The following PTPRN2 variants were observed in gnomAD, a reference collection of about 807,000 sequenced individuals.
PTPRN2 encodes receptor-type tyrosine-protein phosphatase N2.
PTPRN2 carries 74 observed loss-of-function variants against 118.8 expected under a neutral mutation model. The observed-to-expected ratio is 0.62, with a 90% CI of 0.52 to 0.76. The LOEUF (loss-of-function observed/expected upper bound fraction) is 0.76, where lower values mean the gene tolerates loss of function less well. PTPRN2 is among the 30% of genes least tolerant of loss of function. PTPRN2 has a pLI of 0.00. For missense variants in PTPRN2, 1,481 were observed against 1,394.4 expected, an observed-to-expected ratio of 1.06 and a Z score of -0.99; for synonymous variants, 641 against 608.0, an observed-to-expected ratio of 1.05 and a Z score of -0.80.
Position 158,015,646 on chromosome 7 carries a change from A to G in PTPRN2, c.1723+65652T>C, listed in dbSNP as rs1415697705. 3.3e-5 allele frequency among the ~76,000 whole-genome samples: 5 copies of G among 152,224 alleles called. No individual in the cohort carries two copies. The highest frequency in any genetic ancestry group is 5.9e-5 in the Non-Finnish European group (4 of 68,042). ...GTTCATATTGTTAATTTTTAACTAA[A>G]GACAACTGATTTTTGCCAGTAGCAG... On this transcript the variant is annotated intron_variant, in intron 11 of 22. Coordinates refer to ENST00000389418, the MANE Select transcript of PTPRN2 (RefSeq NM_002847.5). The surrounding 1 kb of genome is among the most constrained non-coding windows in gnomAD (Gnocchi z 4.2).
intron 6 of PTPRN2, among the ~76,000 whole-genome samples, chr7:158,156,939 C>T (rs2335482): frequency 0.62 from 92,030 of 149,480 alleles, 29,042 homozygotes; most frequent in East Asian, 0.78. Flanking sequence ...GCTAACACAG[C>T]GGACAGCACC....
At chr7:158,033,728 G>A (rs1466862322) in intron 11 of PTPRN2, among the ~76,000 whole-genome samples, 1 of 150,778 alleles carries the variant, frequency 6.6e-6, no homozygotes, top group Admixed American at 6.6e-5. Context: ...GCTGCACACT[G>A]AGACCTCGAT....
intron 13 of PTPRN2, among the ~76,000 whole-genome samples, chr7:157,675,191 C>A (rs1421917997): frequency 1.3e-5 from 2 of 152,190 alleles, no homozygotes; most frequent in Non-Finnish European, 2.9e-5. Context: ...CAGCGGCTCG[C>A]GTCCTTCGGA....
intron 3 of PTPRN2, 70 bp downstream of exon 3, chr7:158,316,749 G>A: frequency 8.5e-7 from 1 of 1,179,976 alleles, no homozygotes. Context: ...TCACCGCCCA[G>A]GAGGAGAAGC....
chr7:157,855,045 C>T (rs1419891628), intron 12 of PTPRN2, among the ~76,000 whole-genome samples: 1 of 138,376 alleles, frequency 7.2e-6, no homozygotes, highest in Admixed American at 7.3e-5. Flanking sequence ...TTTGCTGTTG[C>T]AGGGGTGTGT....
At chr7:157,735,755 T>C (rs1800258004) in intron 12 of PTPRN2, among the ~76,000 whole-genome samples, 1 of 152,140 alleles carries the variant, frequency 6.6e-6, no homozygotes, top group African/African-American at 2.4e-5. Flanking sequence ...TGGGAGACGC[T>C]CCGCAAATGT....
intron 3 of PTPRN2, among the ~76,000 whole-genome samples, chr7:158,267,333 G>A (rs1054664838): frequency 2.0e-5 from 3 of 152,114 alleles, no homozygotes; most frequent in African/African-American, 7.2e-5. Context: ...GGGGCGTGGT[G>A]CTCACAGCAA....
At chr7:157,562,423 C>T (rs1283770579) in intron 21 of PTPRN2, among the ~76,000 whole-genome samples, 1 of 152,198 alleles carries the variant, frequency 6.6e-6, no homozygotes, top group East Asian at 1.9e-4. Context: ...GAGTGACTTC[C>T]AGCTTCACCG....
chr7:158,454,925 G>A (rs1011617658), intron 2 of PTPRN2, among the ~76,000 whole-genome samples: 8 of 152,068 alleles, frequency 5.3e-5, no homozygotes, highest in Admixed American at 2.0e-4. Flanking sequence ...GCGACCCCCC[G>A]GGGGCCCCTC....
chr7:158,316,825 C>T lies in PTPRN2; in HGVS notation c.271G>A (p.Gly91Ser), dbSNP rs200061900. The T allele has an allele frequency of 4.6e-5, 74 of 1,601,500 alleles. No individual in the cohort carries two copies. The highest frequency in any genetic ancestry group is 1.7e-4 in the Middle Eastern group (1 of 6,020). ...CGGCCCACGCCCGCCCTACCTGTGC[C>T]GGAAAGCTTCTGCAACGCCACGCGC... ...RLRVALQKLS[G>S]TGFTWQDDYT... The change falls in exon 3 of 23, where the codon GGC becomes AGC. Residue 91 changes from glycine to serine, a missense_variant. By Grantham distance (56) the Gly-to-Ser change is moderately conservative. Coordinates refer to ENST00000389418, the MANE Select transcript of PTPRN2 (RefSeq NM_002847.5).
intron 3 of PTPRN2, among the ~76,000 whole-genome samples, chr7:158,214,310 A>G (rs1311942134): frequency 3.3e-5 from 5 of 151,776 alleles, no homozygotes; most frequent in African/African-American, 9.7e-5. Context: ...AGAGAAGGAC[A>G]TGGTGGTGGA....
Position 157,583,235 on chromosome 7 carries a change from C to A in PTPRN2, c.2497-5095G>T, listed in dbSNP as rs1800489194. Among the ~76,000 whole-genome samples, 1 of 152,078 alleles carries A rather than the reference C, an allele frequency of 6.6e-6. No homozygotes were observed. Among genetic ancestry groups the A allele is most frequent in the Non-Finnish European group, 1.5e-5 (1 of 67,990 alleles). ...TAAGCCGGACACAGAAGGACAGGCA[C>A]CCCATGATCTCACTCACATGTGGCA... On this transcript the variant is annotated intron_variant, in intron 17 of 22. Transcript: ENST00000389418. The surrounding 1 kb of genome is among the most constrained non-coding windows in gnomAD (Gnocchi z 5.5).
chr7:157,561,663 G>C (rs1340490252), intron 21 of PTPRN2, among the ~76,000 whole-genome samples: 1 of 152,238 alleles, frequency 6.6e-6, no homozygotes, highest in Non-Finnish European at 1.5e-5. Flanking sequence ...AGGGCCCCTT[G>C]GGCCCCCTTC....
chr7:158,011,030 A>C (rs1806010983), intron 11 of PTPRN2, among the ~76,000 whole-genome samples: 1 of 152,258 alleles, frequency 6.6e-6, no homozygotes. Flanking sequence ...GAATCCTGAA[A>C]TAGGACTGTC....
At chr7:158,263,061 TTGCACACACAC>T (rs1797620455) in intron 3 of PTPRN2, among the ~76,000 whole-genome samples, 1 of 138,738 alleles carries the variant, frequency 7.2e-6, no homozygotes, top group Non-Finnish European at 1.5e-5. Context: ...TACATTCACA[TTGCACACACAC>T]ATCACACACA....
intron 12 of PTPRN2, among the ~76,000 whole-genome samples, chr7:157,826,039 T>C (rs931291718): frequency 6.6e-6 from 1 of 152,158 alleles, no homozygotes; most frequent in Non-Finnish European, 1.5e-5. Context: ...TCCCCTCTGC[T>C]CAAGCCACCA....
chr7:158,313,150 A>T (rs1228778168), intron 3 of PTPRN2, among the ~76,000 whole-genome samples: 1 of 152,102 alleles, frequency 6.6e-6, no homozygotes, highest in Non-Finnish European at 1.5e-5. Flanking sequence ...GAGCATGTGA[A>T]TGCATGTGCA....
chr7:157,578,761 C>T (rs76265237), intron 17 of PTPRN2, among the ~76,000 whole-genome samples: 2,519 of 152,336 alleles, frequency 0.017, 41 homozygotes, highest in South Asian at 0.061. Flanking sequence ...ATTACAAAGA[C>T]ACAAAGTCCT....
chr7:157,637,150 T>C (rs1229013298), intron 14 of PTPRN2, among the ~76,000 whole-genome samples: 1 of 152,236 alleles, frequency 6.6e-6, no homozygotes, highest in Non-Finnish European at 1.5e-5. Flanking sequence ...CATATCCCTT[T>C]GACATATGAA....
Sources: gnomAD v4.1 joint callset for allele counts (sites outside exome capture counted in the v4.1 genomes callset) on GRCh38, gnomAD v4.1.1 for gene constraint, Gnocchi (gnomAD v3.1) non-coding constraint, MANE v1.5 for transcripts, NCBI Gene and HGNC (gene_info 2026-07-23, HGNC 2026-07-21) for gene names.